The following TSHR variants were observed in gnomAD, a reference collection of about 807,000 sequenced individuals.
TSHR encodes thyrotropin receptor.
TSHR carries 51 observed loss-of-function variants against 64.1 expected under a neutral mutation model. The ratio of observed to expected loss-of-function variants is 0.80; its 90% CI spans 0.64 to 1.01. The LOEUF is 1.01. Ranked by LOEUF, TSHR falls within the 50% of genes least tolerant of loss-of-function variation. The pLI, the probability that TSHR is intolerant of heterozygous loss-of-function variation, is 0.00. For synonymous variants in TSHR, 361 were observed against 361.9 expected, an observed-to-expected ratio of 1.00 and a Z score of 0.03; for missense variants, 877 against 942.8, an observed-to-expected ratio of 0.93 and a Z score of 0.91.
rs571886375 is a variant in TSHR, at chr14:81,115,162, G to A, written c.692+6710G>A. Among the ~76,000 whole-genome samples, 186 of 150,846 alleles carry A rather than the reference G, an allele frequency of 1.2e-3. 1 individual carries two copies. Among genetic ancestry groups the A allele is most frequent in the South Asian group, 3.4e-3 (16 of 4,716 alleles). ...AGGAACGCAGTTCCTCACCAGCAAC[G>A]GAACAAAGCTGGACGGAGAATGACT... On this transcript the variant is annotated intron_variant, in intron 8 of 9. Coordinates refer to ENST00000298171, the MANE Select transcript of TSHR (RefSeq NM_000369.5).
At chr14:81,042,507 A>G (rs1392329536) in intron 1 of TSHR, among the ~76,000 whole-genome samples, 2 of 152,160 alleles carry the variant, frequency 1.3e-5, no homozygotes, top group African/African-American at 4.8e-5. Context: ...AATCTAGAGG[A>G]TGTGATGTTA....
intron 1 of TSHR, among the ~76,000 whole-genome samples, chr14:80,991,194 A>T (rs1888709098): frequency 6.6e-6 from 1 of 152,092 alleles, no homozygotes; most frequent in South Asian, 2.1e-4. Context: ...AGAATCCATG[A>T]CTCTTTGTCC....
chr14:80,970,813 C>A (rs1887552205), intron 1 of TSHR, among the ~76,000 whole-genome samples: 1 of 152,196 alleles, frequency 6.6e-6, no homozygotes, highest in South Asian at 2.1e-4. Flanking sequence ...ATGTCCTATA[C>A]CTTAGAAGGG....
intron 1 of TSHR, among the ~76,000 whole-genome samples, chr14:81,017,591 C>T (rs1883484355): frequency 6.6e-6 from 1 of 152,098 alleles, no homozygotes; most frequent in Non-Finnish European, 1.5e-5. Context: ...ACACTCTAAA[C>T]CAGTGGAATC....
intron 9 of TSHR, among the ~76,000 whole-genome samples, chr14:81,142,505 G>T (rs1164312642): frequency 6.6e-6 from 1 of 152,030 alleles, no homozygotes; most frequent in African/African-American, 2.4e-5. Context: ...AAACAGGCCT[G>T]CCTGGATCCT....
intron 1 of TSHR, among the ~76,000 whole-genome samples, chr14:81,057,758 C>T (rs1431694147): frequency 6.6e-6 from 1 of 152,186 alleles, no homozygotes; most frequent in Non-Finnish European, 1.5e-5. Flanking sequence ...TGCCAGGAGG[C>T]AAATAGGACA....
chr14:81,096,756 ACCAT>A, intron 7 of TSHR, 49 bp downstream of exon 7: 1 of 1,583,878 alleles, frequency 6.3e-7, no homozygotes, highest in Non-Finnish European at 8.7e-7. Context: ...TACCCTAAGA[ACCAT>A]CCAATGGGGC....
rs1334739347 is a variant in TSHR, at chr14:81,060,437, T to C, written c.171-1711T>C. Among the ~76,000 whole-genome samples the C allele has an allele frequency of 4.6e-5, 7 of 152,078 alleles. No individual in the cohort carries two copies. In the East Asian group the frequency reaches 1.3e-3, roughly 29 times the overall value. On this transcript the variant is annotated intron_variant, in intron 1 of 9. Transcript: ENST00000298171. Reference sequence around the variant, plus strand: ...GAACAAGTAATTTATGGGACCTGAATTTCTGAAATAATATTAAGGCAACAT... The same window carrying C: ...GAACAAGTAATTTATGGGACCTGAACTTCTGAAATAATATTAAGGCAACAT...
chr14:81,033,513 A>T (rs1026060508), intron 1 of TSHR: 2 of 152,404 alleles, frequency 1.3e-5, no homozygotes, highest in Non-Finnish European at 2.9e-5. Flanking sequence ...GCATAAACTA[A>T]AGATTAAAAG....
rs114852092 is a variant in TSHR at position 81,082,889 on chromosome 14, A to C, written c.318-5065A>C. Among the ~76,000 whole-genome samples, 1,078 of 152,030 alleles carry C rather than the reference A, an allele frequency of 7.1e-3. 15 individuals carry two copies. Among genetic ancestry groups the C allele is most frequent in the African/African-American group, 0.025 (1,019 of 41,448 alleles). On this transcript the variant is annotated intron_variant, in intron 3 of 9. Transcript: ENST00000298171. ...TGTTTCCTGGCTTGGCATGCTTCTC[A>C]CTCATTAACTGGGGCAGTTTAGGGT...
chr14:80,979,931 C>T (rs1040102148), intron 1 of TSHR, among the ~76,000 whole-genome samples: 4 of 152,250 alleles, frequency 2.6e-5, no homozygotes, highest in Non-Finnish European at 2.9e-5. Context: ...GATGGGGTCT[C>T]GGTCTCTTGA....
Position 81,108,459 on chromosome 14 carries a change from A to G in TSHR, c.692+7A>G. The G allele has an allele frequency of 6.2e-7, 1 of 1,613,044 alleles. No homozygotes were observed. The highest frequency in any genetic ancestry group is 8.5e-7 in the Non-Finnish European group (1 of 1,179,366). ...ACAGTGGACCAAGCTTGCTGTGAGT[A>G]AGACATACAAAAGAATATTTTAGTC... is the stretch of plus-strand genomic sequence containing the variant. On this transcript the variant is annotated splice_region_variant and intron_variant, in intron 8 of 9. Transcript: ENST00000298171.
chr14:81,135,880 A>G (rs1305090855), intron 8 of TSHR, among the ~76,000 whole-genome samples: 1 of 152,234 alleles, frequency 6.6e-6, no homozygotes, highest in Non-Finnish European at 1.5e-5. Context: ...GGTTAAATCA[A>G]AAAAGAAAAA....
intron 1 of TSHR, chr14:81,003,229 T>C (rs1889434720): frequency 1.3e-5 from 2 of 152,214 alleles, no homozygotes; most frequent in Admixed American, 6.5e-5. Flanking sequence ...GACTCGCTCA[T>C]TAAAGGTTGA....
At chr14:81,022,608 G>T (rs1316634715) in intron 1 of TSHR, among the ~76,000 whole-genome samples, 3 of 151,862 alleles carry the variant, frequency 2.0e-5, no homozygotes, top group African/African-American at 7.3e-5. Context: ...GGATTACAAG[G>T]TCAGGAGATC....
chr14:81,130,709 G>GAC (rs1555385153), intron 8 of TSHR, among the ~76,000 whole-genome samples: 5 of 140,216 alleles, frequency 3.6e-5, no homozygotes, highest in East Asian at 2.0e-4. Context: ...AACACTGCTT[G>GAC]GGCCGGGCGC....
intron 1 of TSHR, among the ~76,000 whole-genome samples, chr14:81,029,457 A>G (rs1270045378): frequency 6.6e-6 from 1 of 152,076 alleles, no homozygotes; most frequent in East Asian, 1.9e-4. Context: ...GCGAAAAGAG[A>G]GCTGTCCTGA....
intron 1 of TSHR, among the ~76,000 whole-genome samples, chr14:81,026,329 T>C (rs990599051): frequency 1.3e-5 from 2 of 152,108 alleles, no homozygotes; most frequent in African/African-American, 4.8e-5. Flanking sequence ...AACCACACAA[T>C]CGACATACTT....
rs1891877906 is a variant in TSHR at position 81,145,083 on chromosome 14, A to G, written c.*730A>G. On this transcript the variant is annotated 3_prime_UTR_variant, in exon 10 of 10. Transcript: ENST00000298171. ...AATTGCTCTTCTTGGCCAGCCTCAT[A>G]GCATAAAAGATGTGAACTCTAGGAA... The G allele has an allele frequency of 4.3e-6, 1 of 233,176 alleles. No homozygotes were observed. Among genetic ancestry groups the G allele is most frequent in the Admixed American group, 5.6e-5 (1 of 17,788 alleles). 14.4% of individuals were successfully genotyped at this position (233,176 alleles called of 1,614,324 possible).
Sources: allele counts gnomAD v4.1 joint callset (sites outside exome capture counted in the v4.1 genomes callset), GRCh38; gene constraint gnomAD v4.1.1; transcripts MANE v1.5; gene names NCBI Gene and HGNC (gene_info 2026-07-23, HGNC 2026-07-21).